SPOCK3: variants seen among roughly 807,000 people sequenced by gnomAD.
The protein encoded by SPOCK3 is SPARC (osteonectin), cwcv and kazal like domains proteoglycan 3, also known as testican-3.
SPOCK3 carries 30 observed loss-of-function variants against 56.6 expected under a neutral mutation model. The ratio of observed to expected loss-of-function variants is 0.53; its 90% CI spans 0.40 to 0.72. The LOEUF is 0.72. SPOCK3 is among the 30% of genes least tolerant of loss of function. SPOCK3 has a pLI of 0.00. For synonymous variants in SPOCK3, 196 were observed against 183.3 expected (o/e 1.07, Z -0.56); for missense variants, 527 against 530.0 (o/e 0.99, Z 0.06).
At chr4:167,139,921 G>A (rs189160924) in intron 2 of SPOCK3, among the ~76,000 whole-genome samples, 1 of 151,900 alleles carries the variant, frequency 6.6e-6, no homozygotes, top group Admixed American at 6.6e-5. Context: ...ACAGTCTTCT[G>A]GGAAAAGTTT....
intron 2 of SPOCK3, among the ~76,000 whole-genome samples, chr4:167,138,857 T>C (rs1369053321): frequency 2.0e-5 from 3 of 151,922 alleles, no homozygotes; most frequent in African/African-American, 7.2e-5. Context: ...CTTCTAAACA[T>C]TTACAGGAAT....
chr4:166,829,957 T>C (rs914237514), intron 6 of SPOCK3, among the ~76,000 whole-genome samples: 4 of 152,182 alleles, frequency 2.6e-5, no homozygotes, highest in African/African-American at 9.7e-5. Context: ...TGAAAATTTG[T>C]ATTTGTGAGA....
intron 4 of SPOCK3, among the ~76,000 whole-genome samples, chr4:166,959,085 C>T (rs905829296): frequency 6.6e-6 from 1 of 152,128 alleles, no homozygotes; most frequent in South Asian, 2.1e-4. Context: ...ATAGCATTAA[C>T]TACATGTTAA....
intron 2 of SPOCK3, among the ~76,000 whole-genome samples, chr4:167,170,343 C>T (rs960883889): frequency 2.7e-4 from 41 of 151,918 alleles, no homozygotes; most frequent in African/African-American, 8.5e-4. Flanking sequence ...AACTTAAAAG[C>T]GCTAAAAATG....
In SPOCK3 at chr4:167,234,030, G is replaced by T; in HGVS notation, c.144C>A (p.Ile48=). ...GTCCGACTTCCTTGTCATACTGAGA[G>T]ATTGTGGTGAGCCATTGTTTATCAT... ...FLDDKQWLTT[I]SQYDKEVGQW... The change falls in exon 2 of 11, where the codon ATC becomes ATA. Residue 48 remains isoleucine (I), a synonymous_variant. Coordinates refer to ENST00000357545, the MANE Select transcript of SPOCK3 (RefSeq NM_001040159.2). The T allele has an allele frequency of 6.2e-7, 1 of 1,614,036 alleles. No homozygotes were observed. The highest frequency in any genetic ancestry group is 2.2e-5 in the East Asian group (1 of 44,830).
chr4:166,903,562 C>T (rs866732397), intron 5 of SPOCK3, among the ~76,000 whole-genome samples: 2 of 152,044 alleles, frequency 1.3e-5, no homozygotes, highest in African/African-American at 4.8e-5. Context: ...TCTAATTCAT[C>T]GACGTGACTG....
At chr4:166,842,157 G>C (rs559559132) in intron 6 of SPOCK3, among the ~76,000 whole-genome samples, 3 of 152,146 alleles carry the variant, frequency 2.0e-5, no homozygotes, top group African/African-American at 7.2e-5. Flanking sequence ...GAGGCAGTGC[G>C]GACCCAAAGA....
intron 2 of SPOCK3, among the ~76,000 whole-genome samples, chr4:167,160,727 A>G (rs995499215): frequency 2.6e-5 from 4 of 152,168 alleles, no homozygotes; most frequent in African/African-American, 9.6e-5. Context: ...AGCCCTCAGA[A>G]ATAATGCCAC....
chr4:166,924,098 C>T (rs185532055), intron 4 of SPOCK3, among the ~76,000 whole-genome samples: 34 of 152,204 alleles, frequency 2.2e-4, no homozygotes, highest in Admixed American at 7.9e-4. Flanking sequence ...CATTAGCTTG[C>T]CCGTTAAAAG....
chr4:167,026,205 T>C (rs1482240501), intron 3 of SPOCK3, among the ~76,000 whole-genome samples: 3 of 152,028 alleles, frequency 2.0e-5, no homozygotes, highest in African/African-American at 7.2e-5. Flanking sequence ...GAGCCCTGTG[T>C]CGGGTTAACT....
chr4:166,992,494 C>T (rs1216082957), intron 4 of SPOCK3, among the ~76,000 whole-genome samples: 1 of 152,044 alleles, frequency 6.6e-6, no homozygotes, highest in Non-Finnish European at 1.5e-5. Context: ...TCTTAATAGG[C>T]AGCTAGTTTC....
chr4:166,885,268 TA>T (rs1263363243), intron 6 of SPOCK3, among the ~76,000 whole-genome samples: 8 of 150,654 alleles, frequency 5.3e-5, no homozygotes, highest in Non-Finnish European at 1.2e-4. Flanking sequence ...GCCTTATTTC[TA>T]AAATAACCAC....
chr4:167,157,332 G>A (rs952827412), intron 2 of SPOCK3, among the ~76,000 whole-genome samples: 1 of 152,016 alleles, frequency 6.6e-6, no homozygotes, highest in Non-Finnish European at 1.5e-5. Context: ...AATTTAAAAG[G>A]TGAAGCATAT....
intron 6 of SPOCK3, among the ~76,000 whole-genome samples, chr4:166,876,747 T>A (rs1186106034): frequency 1.3e-5 from 2 of 152,170 alleles, no homozygotes; most frequent in African/African-American, 2.4e-5. Context: ...AGACTTGTTT[T>A]AGTTAAATAT....
At chr4:166,763,990 T>G (rs575341098) in intron 7 of SPOCK3, among the ~76,000 whole-genome samples, 1 of 152,076 alleles carries the variant, frequency 6.6e-6, no homozygotes, top group Admixed American at 6.6e-5. Flanking sequence ...TTCAGCGGGG[T>G]TGCTGGCAAG....
intron 5 of SPOCK3, among the ~76,000 whole-genome samples, chr4:166,902,533 T>G (rs565731068): frequency 6.6e-6 from 1 of 152,082 alleles, no homozygotes; most frequent in South Asian, 2.1e-4. Context: ...GTCTATATAT[T>G]CTACCTTTTT....
intron 6 of SPOCK3, among the ~76,000 whole-genome samples, chr4:166,863,954 C>A (rs903597221): frequency 1.3e-5 from 2 of 152,126 alleles, no homozygotes; most frequent in African/African-American, 4.8e-5. Flanking sequence ...ATCTACAGAA[C>A]TCTCCACCCC....
intron 8 of SPOCK3, among the ~76,000 whole-genome samples, chr4:166,744,291 T>C (rs113030266): frequency 5.9e-5 from 9 of 152,284 alleles, no homozygotes; most frequent in African/African-American, 2.2e-4. Context: ...CATTTGCTGT[T>C]CTGCAATATT....
At chr4:167,153,625 T>C (rs1362109081) in intron 2 of SPOCK3, among the ~76,000 whole-genome samples, 1 of 152,168 alleles carries the variant, frequency 6.6e-6, no homozygotes, top group African/African-American at 2.4e-5. Flanking sequence ...CAACACTCTA[T>C]ATCATTACCT....
Sources: allele counts gnomAD v4.1 joint callset (sites outside exome capture counted in the v4.1 genomes callset), GRCh38; gene constraint gnomAD v4.1.1; transcripts MANE v1.5; gene names NCBI Gene and HGNC (gene_info 2026-07-23, HGNC 2026-07-21).